STAP1: variants seen among roughly 807,000 people sequenced by gnomAD.
STAP1 encodes the protein signal transducing adaptor family member 1.
Under a neutral mutation model 37.8 loss-of-function variants are expected in STAP1, and 30 were observed. The ratio of observed to expected loss-of-function variants is 0.79; its 90% CI spans 0.59 to 1.08. The LOEUF is 1.08. Ranked by LOEUF, STAP1 falls within the 50% of genes least tolerant of loss-of-function variation. The pLI is 0.00. For synonymous variants in STAP1, 130 were observed against 116.0 expected, an observed-to-expected ratio of 1.12 and a Z score of -0.78; for missense variants, 357 against 349.4, an observed-to-expected ratio of 1.02 and a Z score of -0.17.
chr4:67,584,097 CGA>C (rs1491482893), intron 6 of STAP1, among the ~76,000 whole-genome samples: 6 of 7,678 alleles, frequency 7.8e-4, no homozygotes, highest in East Asian at 4.6e-3. Context: ...GACTCGGTCT[CGA>C]AAAAAAAAAA....
chr4:67,560,643 G>A (rs148263782), intron 1 of STAP1, among the ~76,000 whole-genome samples: 1 of 149,490 alleles, frequency 6.7e-6, no homozygotes, highest in African/African-American at 2.5e-5. Flanking sequence ...TGTGTGTGTG[G>A]GTGTGTGTCT....
chr4:67,566,776 C>A (rs191767005), intron 1 of STAP1, among the ~76,000 whole-genome samples: 299 of 152,150 alleles, frequency 2.0e-3, no homozygotes, highest in African/African-American at 6.8e-3. Flanking sequence ...TAGAGACCAG[C>A]CTGCCCAACA....
intron 3 of STAP1, among the ~76,000 whole-genome samples, chr4:67,576,772 G>T (rs1226993047): frequency 2.0e-5 from 3 of 152,120 alleles, no homozygotes; most frequent in African/African-American, 7.2e-5. Flanking sequence ...GAGACTACAC[G>T]CATGAGCTAC....
chr4:67,606,434 T>G lies in STAP1; in HGVS notation c.*77T>G. On this transcript the variant is annotated 3_prime_UTR_variant, in exon 9 of 9. Transcript: ENST00000265404. Reference sequence around the variant, plus strand: ...CGAAGTTCTTACTTTTAAAGAGAATTACCTATATTCTCCTGATACTGATTA... The same window carrying G: ...CGAAGTTCTTACTTTTAAAGAGAATGACCTATATTCTCCTGATACTGATTA... The G allele has an allele frequency of 8.0e-7, 1 of 1,257,638 alleles. No individual in the cohort carries two copies. Among genetic ancestry groups the G allele is most frequent in the Non-Finnish European group, 1.1e-6 (1 of 895,162 alleles). The allele number at this position is 1,257,638 out of a possible 1,614,324, so 77.9% of individuals were successfully genotyped here.
In STAP1 at chr4:67,581,385, G is replaced by A. The variant is rs750941004; in HGVS notation, c.444G>A (p.Arg148=). 3.1e-6 allele frequency: 5 copies of A among 1,613,954 alleles called. No individual in the cohort carries two copies. In the South Asian group the frequency reaches 4.4e-5, roughly 14 times the overall value. ...LHEVLEREKK[R]RIETEQSTSV... ...AAGTCCTAGAGAGAGAAAAGAAAAG[G>A]AGGATTGAGACAGAGCAGAGTACGT... Residue 148 remains arginine, a synonymous_variant, in exon 5 of 9, where the codon AGG becomes AGA. Coordinates refer to ENST00000265404, the MANE Select transcript of STAP1 (RefSeq NM_012108.4).
In STAP1 at chr4:67,577,279, T is replaced by C; in HGVS notation, c.363+20T>C. ...ACAGAGGTAGGAAGCTCACTGCTTT[T>C]GATTGATTCTTTTTTTTTTTCAACA... On this transcript the variant is annotated intron_variant, in intron 4 of 8. Transcript: ENST00000265404. 1 of 1,590,902 alleles carries C rather than the reference T, an allele frequency of 6.3e-7. No individual in the cohort carries two copies. Among genetic ancestry groups the C allele is most frequent in the Non-Finnish European group, 8.5e-7 (1 of 1,171,072 alleles).
intron 8 of STAP1, among the ~76,000 whole-genome samples, chr4:67,598,274 C>T (rs1207551830): frequency 1.3e-5 from 2 of 152,064 alleles, no homozygotes; most frequent in Non-Finnish European, 2.9e-5. Context: ...ACACTGATTT[C>T]CTTTCTTTGG....
At chr4:67,565,566 T>TTTTCC (rs987932314) in intron 1 of STAP1, among the ~76,000 whole-genome samples, 1 of 152,228 alleles carries the variant, frequency 6.6e-6, no homozygotes, top group African/African-American at 2.4e-5. Flanking sequence ...AATGCTCTTC[T>TTTTCC]TTTTCTTTTC....
At chr4:67,584,581 C>T (rs1190750665) in intron 6 of STAP1, among the ~76,000 whole-genome samples, 3 of 152,082 alleles carry the variant, frequency 2.0e-5, no homozygotes, top group Non-Finnish European at 2.9e-5. Flanking sequence ...CAAGGAAGAC[C>T]TACTTTATTG....
chr4:67,597,652 C>T (rs902947846), intron 8 of STAP1, among the ~76,000 whole-genome samples: 8 of 152,224 alleles, frequency 5.3e-5, no homozygotes, highest in Non-Finnish European at 1.0e-4. Context: ...CCCCTTGCAT[C>T]AGTGTGCCCT....
At chr4:67,564,279 T>C (rs1727416877) in intron 1 of STAP1, among the ~76,000 whole-genome samples, 1 of 152,140 alleles carries the variant, frequency 6.6e-6, no homozygotes, top group Admixed American at 6.5e-5. Flanking sequence ...TACTTGCTTT[T>C]CCCCCCATTT....
chr4:67,604,327 C>T (rs1372841103), intron 8 of STAP1, among the ~76,000 whole-genome samples: 1 of 152,158 alleles, frequency 6.6e-6, no homozygotes, highest in Non-Finnish European at 1.5e-5. Flanking sequence ...ATGTTAAAAC[C>T]AAGTACTGTA....
chr4:67,584,475 T>C (rs1727936775), intron 6 of STAP1, among the ~76,000 whole-genome samples: 1 of 152,152 alleles, frequency 6.6e-6, no homozygotes, highest in Admixed American at 6.5e-5. Context: ...ATAAGGTCTA[T>C]AGAGTAAAAT....
intron 6 of STAP1, among the ~76,000 whole-genome samples, chr4:67,585,270 A>G (rs13118317): frequency 0.7 from 106,541 of 151,962 alleles, 39,708 homozygotes; most frequent in Non-Finnish European, 0.84. Flanking sequence ...ATCTATCAAT[A>G]AATCTATCTA....
At chr4:67,603,558 T>C (rs1728389387) in intron 8 of STAP1, among the ~76,000 whole-genome samples, 1 of 152,088 alleles carries the variant, frequency 6.6e-6, no homozygotes. Flanking sequence ...ACTGTTGATG[T>C]TTATTCAAGG....
chr4:67,599,629 CT>C (rs1429602859), intron 8 of STAP1, among the ~76,000 whole-genome samples: 1 of 150,974 alleles, frequency 6.6e-6, no homozygotes, highest in African/African-American at 2.4e-5. Flanking sequence ...TGTTGATTTT[CT>C]TTTTTCTTTT....
chr4:67,606,450 A>C lies in STAP1; in HGVS notation c.*93A>C. 1.9e-6 allele frequency: 2 copies of C among 1,033,536 alleles called. No individual in the cohort carries two copies. Among genetic ancestry groups the C allele is most frequent in the Non-Finnish European group, 2.8e-6 (2 of 713,792 alleles). The allele number at this position is 1,033,536 out of a possible 1,614,324, so 64.0% of individuals were successfully genotyped here. A position where few individuals can be genotyped will look rare whatever the true frequency, so the allele number is the denominator to read the frequency against. ...AAAGAGAATTACCTATATTCTCCTG[A>C]TACTGATTACCAAGTCATTCACCTG... On this transcript the variant is annotated 3_prime_UTR_variant, in exon 9 of 9. Coordinates refer to ENST00000265404, the MANE Select transcript of STAP1 (RefSeq NM_012108.4).
intron 6 of STAP1, 53 bp from the exon 7 acceptor site, chr4:67,590,831 G>T: frequency 8.3e-7 from 1 of 1,210,322 alleles, no homozygotes. Context: ...ACTTTAGTTT[G>T]CATTTACCCA....
chr4:67,596,729 G>GT (rs1386144383), intron 8 of STAP1, among the ~76,000 whole-genome samples: 3 of 152,294 alleles, frequency 2.0e-5, no homozygotes, highest in Non-Finnish European at 1.5e-5. Flanking sequence ...AATTTTGAAC[G>GT]TGAGAGAGAT....
Sources: allele counts gnomAD v4.1 joint callset (sites outside exome capture counted in the v4.1 genomes callset), GRCh38; gene constraint gnomAD v4.1.1; transcripts MANE v1.5; gene names NCBI Gene and HGNC (gene_info 2026-07-23, HGNC 2026-07-21).